The following PLXDC2 variants were observed in gnomAD, a reference collection of about 807,000 sequenced individuals.
PLXDC2 encodes plexin domain-containing protein 2.
PLXDC2 carries 40 observed loss-of-function variants against 68.9 expected under a neutral mutation model. The ratio of observed to expected loss-of-function variants is 0.58; its 90% CI spans 0.45 to 0.76. The LOEUF is 0.76. Ranked by LOEUF, PLXDC2 falls within the 30% of genes least tolerant of loss-of-function variation. The probability of loss-of-function intolerance (pLI) is 0.00; values close to 1 mark genes in which losing one functional copy is unlikely to be tolerated. For missense variants in PLXDC2, 644 were observed against 661.9 expected, an observed-to-expected ratio of 0.97 and a Z score of 0.30; for synonymous variants, 243 against 234.2, an observed-to-expected ratio of 1.04 and a Z score of -0.34.
intron 4 of PLXDC2, among the ~76,000 whole-genome samples, chr10:20,109,246 A>AT (rs1227796610): frequency 1.3e-5 from 2 of 152,242 alleles, no homozygotes; most frequent in Non-Finnish European, 2.9e-5. Flanking sequence ...GCCAGGAGGC[A>AT]TTTAGCAGTA....
intron 13 of PLXDC2, among the ~76,000 whole-genome samples, chr10:20,264,936 A>C (rs75897023): frequency 7.5e-4 from 114 of 152,264 alleles, no homozygotes; most frequent in Middle Eastern, 6.8e-3. Flanking sequence ...ACCCAAAACA[A>C]CGAGCATTAA....
At chr10:20,032,563 G>T (rs942818267) in intron 2 of PLXDC2, among the ~76,000 whole-genome samples, 2 of 152,068 alleles carry the variant, frequency 1.3e-5, no homozygotes, top group Non-Finnish European at 2.9e-5. Flanking sequence ...CTTACAGAAG[G>T]TCTGATAAGT....
chr10:19,837,288 C>T (rs558770357), intron 1 of PLXDC2, among the ~76,000 whole-genome samples: 1 of 152,136 alleles, frequency 6.6e-6, no homozygotes, highest in South Asian at 2.1e-4. Flanking sequence ...AGTTAAAACA[C>T]ATAAGCCCTT....
At chr10:19,937,544 GTATATATATATATA>G (rs71388881) in intron 1 of PLXDC2, among the ~76,000 whole-genome samples, 15,924 of 96,042 alleles carry the variant, frequency 0.17, 1,359 homozygotes, top group East Asian at 0.26. Context: ...TATAGTCAAT[GTATATATATATATA>G]TATATATATA....
chr10:20,052,985 G>A (rs1446132504), intron 3 of PLXDC2, among the ~76,000 whole-genome samples: 2 of 152,036 alleles, frequency 1.3e-5, no homozygotes, highest in African/African-American at 4.8e-5. Context: ...GCATATAAAT[G>A]TGGTCCAAAC....
At chr10:19,852,947 A>C (rs1275382503) in intron 1 of PLXDC2, among the ~76,000 whole-genome samples, 1 of 152,248 alleles carries the variant, frequency 6.6e-6, no homozygotes, top group African/African-American at 2.4e-5. Flanking sequence ...CAATATAATC[A>C]TCACCAGGCT....
intron 1 of PLXDC2, among the ~76,000 whole-genome samples, chr10:19,832,806 G>A (rs1836720500): frequency 6.6e-6 from 1 of 152,206 alleles, no homozygotes; most frequent in Non-Finnish European, 1.5e-5. Flanking sequence ...GGTGTGTGTG[G>A]TGGGAAAGTT....
chr10:19,944,542 C>G (rs1564635314), intron 1 of PLXDC2, among the ~76,000 whole-genome samples: 1 of 152,196 alleles, frequency 6.6e-6, no homozygotes, highest in Non-Finnish European at 1.5e-5. Context: ...GTGAATTGGG[C>G]AGTCCCTGAA....
intron 1 of PLXDC2, among the ~76,000 whole-genome samples, chr10:19,910,591 CTTTTTTTTTTTTT>C (rs1006322581): frequency 2.2e-5 from 2 of 92,560 alleles, no homozygotes; most frequent in Admixed American, 2.4e-4. Context: ...TAAGTGGTTG[CTTTTTTTTTTTTT>C]TTTTTTTTTT....
chr10:19,841,961 A>G (rs1185881818), intron 1 of PLXDC2, among the ~76,000 whole-genome samples: 1 of 152,164 alleles, frequency 6.6e-6, no homozygotes, highest in African/African-American at 2.4e-5. Flanking sequence ...CCCAATGGAT[A>G]GTCTGTCATG....
intron 2 of PLXDC2, among the ~76,000 whole-genome samples, chr10:20,039,241 T>A (rs1215524192): frequency 2.0e-5 from 3 of 152,162 alleles, no homozygotes; most frequent in African/African-American, 7.2e-5. Flanking sequence ...AAGGAGATGA[T>A]TTGGTGATGT....
chr10:19,853,143 A>G (rs1405314867), intron 1 of PLXDC2, among the ~76,000 whole-genome samples: 1 of 152,220 alleles, frequency 6.6e-6, no homozygotes, highest in African/African-American at 2.4e-5. Context: ...GAAGGAAGGG[A>G]CAAGGTATCT....
At chr10:20,195,071 A>G (rs1183434770) in intron 9 of PLXDC2, among the ~76,000 whole-genome samples, 1 of 152,064 alleles carries the variant, frequency 6.6e-6, no homozygotes, top group African/African-American at 2.4e-5. Context: ...AAGTGAACAA[A>G]TGATTTCATA....
intron 2 of PLXDC2, among the ~76,000 whole-genome samples, chr10:20,005,031 T>A (rs1244324513): frequency 6.6e-6 from 1 of 152,194 alleles, no homozygotes; most frequent in Non-Finnish European, 1.5e-5. Context: ...ATGATTTTTT[T>A]ACACGAGGGC....
chr10:20,070,683 C>T (rs890186119), intron 4 of PLXDC2: 3 of 152,102 alleles, frequency 2.0e-5, no homozygotes, highest in African/African-American at 7.2e-5. Flanking sequence ...AAAATACCGA[C>T]ATTAGGCATG....
intron 4 of PLXDC2, among the ~76,000 whole-genome samples, chr10:20,070,220 A>ATATAGTC (rs1164537531): frequency 6.6e-6 from 1 of 152,204 alleles, no homozygotes; most frequent in Non-Finnish European, 1.5e-5. Context: ...TAAGTAATAA[A>ATATAGTC]CTTTAAGAAG....
intron 13 of PLXDC2, among the ~76,000 whole-genome samples, chr10:20,264,825 C>A (rs535558879): frequency 1.3e-5 from 2 of 151,630 alleles, no homozygotes; most frequent in South Asian, 4.2e-4. Context: ...AAGAAAAAAA[C>A]CAAAGCAAAA....
intron 12 of PLXDC2, among the ~76,000 whole-genome samples, chr10:20,234,139 A>G (rs1835401289): frequency 6.6e-6 from 1 of 152,116 alleles, no homozygotes; most frequent in Non-Finnish European, 1.5e-5. Flanking sequence ...CAAATCACAG[A>G]GTTTTAAAGT....
At chr10:19,902,554 C>A (rs532199194) in intron 1 of PLXDC2, among the ~76,000 whole-genome samples, 12 of 152,200 alleles carry the variant, frequency 7.9e-5, no homozygotes, top group African/African-American at 2.2e-4. Context: ...TTGCTGAATT[C>A]GTTTACCAGT....
Sources: allele counts gnomAD v4.1 joint callset (sites outside exome capture counted in the v4.1 genomes callset), GRCh38; gene constraint gnomAD v4.1.1; transcripts MANE v1.5; gene names NCBI Gene and HGNC (gene_info 2026-07-23, HGNC 2026-07-21).